Variants in PPT1 observed in about 807,000 individuals in gnomAD.
The protein encoded by PPT1 is ceroid-palmitoyl-palmitoyl-protein thioesterase 1.
Under a neutral mutation model 44.0 loss-of-function variants are expected in PPT1, and 24 were observed. The observed-to-expected ratio is 0.54, with a 90% confidence interval of 0.39 to 0.77. The LOEUF (loss-of-function observed/expected upper bound fraction) is 0.77, where lower values mean the gene tolerates loss of function less well. Ranked by LOEUF, PPT1 falls within the 30% of genes least tolerant of loss-of-function variation. The pLI is 0.00. For missense variants in PPT1, 341 were observed against 378.8 expected (o/e 0.90, Z 0.83); for synonymous variants, 148 against 140.2 (o/e 1.06, Z -0.39).
intron 5 of PPT1, among the ~76,000 whole-genome samples, chr1:40,084,687 T>G (rs1649161520): frequency 6.6e-6 from 1 of 152,252 alleles, no homozygotes; most frequent in Non-Finnish European, 1.5e-5. Context: ...ATAAACATGA[T>G]TATATATGAA....
Position 40,091,320 on chromosome 1 carries a change from C to T in PPT1, c.433+9G>A, listed in dbSNP as rs1649550153. The T allele has an allele frequency of 1.2e-6, 2 of 1,612,882 alleles. No individual in the cohort carries two copies. Among genetic ancestry groups the T allele is most frequent in the Non-Finnish European group, 1.7e-6 (2 of 1,178,966 alleles). On this transcript the variant is annotated intron_variant, in intron 4 of 8. Transcript: ENST00000642050. The stretch of plus-strand genomic sequence containing the variant: ...ATACAGAAAAAAGAAAGCAAAGAGG[C>T]AAAGTTACCTTGATGTTGTCCCCCA...
chr1:40,076,865 G>T lies in PPT1; in HGVS notation c.775C>A (p.Gln259Lys). Residue 259 changes from glutamine to lysine, a missense_variant, in exon 8 of 9, where the codon CAG becomes AAG. Coordinates refer to ENST00000642050, the MANE Select transcript of PPT1 (RefSeq NM_000310.4). Reference protein sequence around the residue: ...SGQAKETIPLQETSLYTQDRL... With the variant: ...SGQAKETIPLKETSLYTQDRL... ...ACCTGTGTGTACAGGGAGGTCTCCT[G>T]TAAGGGAATGGTTTCCTTGGCTTGG... 2 of 1,614,156 alleles carry T rather than the reference G, an allele frequency of 1.2e-6. No individual in the cohort carries two copies. Among genetic ancestry groups the T allele is most frequent in the Non-Finnish European group, 1.7e-6 (2 of 1,179,988 alleles).
chr1:40,091,108 A>C (rs1649538928), intron 4 of PPT1, among the ~76,000 whole-genome samples: 1 of 152,214 alleles, frequency 6.6e-6, no homozygotes, highest in Non-Finnish European at 1.5e-5. Context: ...TGTCAATGAA[A>C]TTGGAGAGAA....
intron 8 of PPT1, 21 bp from the exon 9 acceptor site, chr1:40,074,204 A>G (rs1648448317): frequency 1.9e-6 from 3 of 1,613,806 alleles, no homozygotes; most frequent in East Asian, 4.5e-5. Context: ...AAAGGCCATA[A>G]TTAATTAAAA....
At chr1:40,074,297 A>C in intron 8 of PPT1, 114 bp from the exon 9 acceptor site, 3 of 1,336,282 alleles carry the variant, frequency 2.2e-6, no homozygotes, top group Non-Finnish European at 3.2e-6. Flanking sequence ...TGAGTATTAA[A>C]ATTGAGGTGT....
chr1:40,085,606 G>A (rs1649220006), intron 5 of PPT1, among the ~76,000 whole-genome samples: 1 of 152,122 alleles, frequency 6.6e-6, no homozygotes, highest in African/African-American at 2.4e-5. Flanking sequence ...TGATCAGTCA[G>A]CAGCCATCAA....
rs1648854975 is a variant in PPT1, at chr1:40,080,310, T to C, written c.627+87A>G. ...TTCCTAGTGTCTGCCCAGGACAGTT[T>C]GGGTAAACAGTCACTGCTGATTTGT... On this transcript the variant is annotated intron_variant, in intron 6 of 8. Coordinates refer to ENST00000642050, the MANE Select transcript of PPT1 (RefSeq NM_000310.4). 7.3e-6 allele frequency: 10 copies of C among 1,373,610 alleles called. No individual in the cohort carries two copies. The Middle Eastern group carries it at 5.4e-4, about 74-fold the overall frequency. The allele number at this position is 1,373,610 out of a possible 1,614,324, so 85.1% of individuals were successfully genotyped here. A position where few individuals can be genotyped will look rare whatever the true frequency, so the allele number is the denominator to read the frequency against.
intron 5 of PPT1, 104 bp downstream of exon 5, chr1:40,089,297 ATCTCATTTG>A: frequency 1.6e-6 from 1 of 616,448 alleles, no homozygotes; most frequent in Non-Finnish European, 2.9e-6. Flanking sequence ...AAAAAAAAAG[ATCTCATTTG>A]AATATCACAA....
chr1:40,078,545 T>G lies in PPT1; in HGVS notation c.726+15A>C. 3 of 1,609,076 alleles carry G rather than the reference T, an allele frequency of 1.9e-6. No individual in the cohort carries two copies. Among genetic ancestry groups the G allele is most frequent in the Non-Finnish European group, 2.6e-6 (3 of 1,175,624 alleles). On this transcript the variant is annotated intron_variant, in intron 7 of 8. Coordinates refer to ENST00000642050, the MANE Select transcript of PPT1 (RefSeq NM_000310.4). ...CCATTTACTCTCCTGGCATGTGGCC[T>G]AAGTAGTGTCTCACCTCCGAATCTA...
At chr1:40,087,478 A>AG (rs1184176429) in intron 5 of PPT1, among the ~76,000 whole-genome samples, 1 of 151,928 alleles carries the variant, frequency 6.6e-6, no homozygotes, top group Non-Finnish European at 1.5e-5. Context: ...CCAGGCCTCA[A>AG]GTGATCTGCC....
At position 40,085,080 on chromosome 1, in the gene PPT1, C is replaced by T. The variant is rs1649186234; in HGVS notation, c.536+4330G>A. Among the ~76,000 whole-genome samples, 3 of 152,254 alleles carry T rather than the reference C, an allele frequency of 2.0e-5. No individual in the cohort carries two copies. The South Asian group carries it at 6.2e-4, about 32-fold the overall frequency. Reference sequence around the variant, plus strand: ...TGGAGGGCGTGACATCAGTCAGGCCCGCCTGCAGTTATCCGGAGGCCCAAC... The same window carrying T: ...TGGAGGGCGTGACATCAGTCAGGCCTGCCTGCAGTTATCCGGAGGCCCAAC... On this transcript the variant is annotated intron_variant, in intron 5 of 8. Coordinates refer to ENST00000642050, the MANE Select transcript of PPT1 (RefSeq NM_000310.4).
intron 8 of PPT1, chr1:40,076,524 CTG>C: frequency 1.2e-6 from 1 of 854,030 alleles, no homozygotes; most frequent in Non-Finnish European, 1.4e-6. Context: ...TTGTAGCAGA[CTG>C]TACCTCAGCC....
chr1:40,081,954 G>T lies in PPT1; in HGVS notation c.537-1467C>A, dbSNP rs768927800. On this transcript the variant is annotated intron_variant, in intron 5 of 8. Transcript: ENST00000642050. ...TGACCAAAAGCCTGATAGTGATATA[G>T]ACAATAAGGTCCAGGCTGAGGTAGT... Among the ~76,000 whole-genome samples, 11 of 152,254 alleles carry T rather than the reference G, an allele frequency of 7.2e-5. No homozygotes were observed. The South Asian group carries it at 1.2e-3, about 17-fold the overall frequency.
At position 40,072,963 on chromosome 1, in the gene PPT1, T is replaced by G. The variant is rs1358196376; in HGVS notation, c.*1098A>C. 1 of 152,252 alleles carries G rather than the reference T, an allele frequency of 6.6e-6. No individual in the cohort carries two copies. The highest frequency in any genetic ancestry group is 1.5e-5 in the Non-Finnish European group (1 of 68,050). The allele number at this position is 152,252 out of a possible 1,614,324, so 9.4% of individuals were successfully genotyped here. ...AGTTTTCACAGAGTGGGGACTATGA[T>G]TTCCATGCTCAAATAGTGTAGGAAA... On this transcript the variant is annotated 3_prime_UTR_variant, in exon 9 of 9. Coordinates refer to ENST00000642050, the MANE Select transcript of PPT1 (RefSeq NM_000310.4).
chr1:40,073,994 A>C lies in PPT1; in HGVS notation c.*67T>G, dbSNP rs886888561. The C allele has an allele frequency of 1.9e-6, 3 of 1,602,738 alleles. No homozygotes were observed. The African/African-American group carries it at 4.0e-5, about 21-fold the overall frequency. On this transcript the variant is annotated 3_prime_UTR_variant, in exon 9 of 9. Transcript: ENST00000642050. ...CTGAGCTCAGGCTTGGGCATGAAGG[A>C]AACTGTCTCCCATGTGGTTTGGAAG...
intron 6 of PPT1, 55 bp from the exon 7 acceptor site, chr1:40,078,713 G>T: frequency 7.0e-7 from 1 of 1,432,854 alleles, no homozygotes; most frequent in Non-Finnish European, 9.8e-7. Context: ...CCAGCAGAGG[G>T]AGTAAAGCCT....
At chr1:40,075,516 T>A (rs1269604993) in intron 8 of PPT1, among the ~76,000 whole-genome samples, 1 of 149,628 alleles carries the variant, frequency 6.7e-6, no homozygotes, top group African/African-American at 2.5e-5. Flanking sequence ...CTAGCTTCCC[T>A]TTTTACCTCA....
chr1:40,080,731 A>G (rs1364694315), intron 5 of PPT1, among the ~76,000 whole-genome samples: 1 of 152,198 alleles, frequency 6.6e-6, no homozygotes, highest in South Asian at 2.1e-4. Context: ...AAAATTAGCC[A>G]GGCGCGGCGG....
In PPT1 at chr1:40,076,874, T is replaced by C. The variant is rs775277366; in HGVS notation, c.766A>G (p.Ile256Val). Residue 256 changes from isoleucine (I) to valine (V), a missense_variant, in exon 8 of 9, where the codon ATT becomes GTT. Physicochemically the swap from Ile to Val is conservative, Grantham distance 29. Coordinates refer to ENST00000642050, the MANE Select transcript of PPT1 (RefSeq NM_000310.4). ...FYRSGQAKET[I>V]PLQETSLYTQ... is the part of the protein sequence containing the mutation. ...TACAGGGAGGTCTCCTGTAAGGGAA[T>C]GGTTTCCTTGGCTTGGCCACTTCTG... is the stretch of plus-strand genomic sequence containing the variant. 3.1e-6 allele frequency: 5 copies of C among 1,614,214 alleles called. No individual in the cohort carries two copies. The South Asian group carries it at 5.5e-5, about 18-fold the overall frequency.
Sources: gnomAD v4.1 joint callset for allele counts (sites outside exome capture counted in the v4.1 genomes callset) on GRCh38, gnomAD v4.1.1 for gene constraint, MANE v1.5 for transcripts, NCBI Gene and HGNC (gene_info 2026-07-23, HGNC 2026-07-21) for gene names.